PBRM1: variants seen among roughly 807,000 people sequenced by gnomAD.
PBRM1 encodes the protein protein polybromo-1.
Under a neutral mutation model 194.5 loss-of-function variants are expected in PBRM1, and 27 were observed. The ratio of observed to expected loss-of-function variants is 0.14; its 90% CI spans 0.10 to 0.19. The LOEUF (loss-of-function observed/expected upper bound fraction) is 0.19, where lower values mean the gene tolerates loss of function less well. Among genes scored for constraint, PBRM1 ranks in the 10% least tolerant of loss-of-function variants. The pLI is 1.00. For synonymous variants in PBRM1, 655 were observed against 693.2 expected (o/e 0.94, Z 0.87); for missense variants, 1,466 against 2,077.2 (o/e 0.71, Z 5.72).
At chr3:52,627,706 G>A (rs2095489453) in intron 12 of PBRM1, among the ~76,000 whole-genome samples, 1 of 152,148 alleles carries the variant, frequency 6.6e-6, no homozygotes, top group South Asian at 2.1e-4. Flanking sequence ...CCAACTCAAA[G>A]AGGGCCTTTG....
chr3:52,577,052 TAAA>T (rs138138001), intron 21 of PBRM1, among the ~76,000 whole-genome samples: 2,899 of 152,278 alleles, frequency 0.019, 100 homozygotes, highest in African/African-American at 0.066. Flanking sequence ...AACAAAGACA[TAAA>T]ACATCAATAT....
At chr3:52,580,394 T>C (rs7648016) in intron 20 of PBRM1, among the ~76,000 whole-genome samples, 11,069 of 152,118 alleles carry the variant, frequency 0.073, 968 homozygotes, top group African/African-American at 0.21. Context: ...AGTCTCCCTC[T>C]GTCGCCCAGG....
intron 14 of PBRM1, among the ~76,000 whole-genome samples, chr3:52,616,132 C>A (rs898207842): frequency 6.6e-6 from 1 of 152,142 alleles, no homozygotes; most frequent in African/African-American, 2.4e-5. Context: ...TTAAAGGTGG[C>A]TTTTTCCTCT....
At chr3:52,637,999 T>C (rs1235271730) in intron 10 of PBRM1, among the ~76,000 whole-genome samples, 1 of 151,986 alleles carries the variant, frequency 6.6e-6, no homozygotes, top group Non-Finnish European at 1.5e-5. Flanking sequence ...TATCCCCCTC[T>C]CTTACTAGTT....
chr3:52,554,726 G>A (rs145488469), exon 27 of PBRM1: 146 of 1,549,730 alleles, frequency 9.4e-5, no homozygotes, highest in South Asian at 9.4e-4. Flanking sequence ...GTTCTTACCC[G>A]GTGGTGGGAT....
At chr3:52,663,468 T>C (rs1432438892) in intron 3 of PBRM1, among the ~76,000 whole-genome samples, 2 of 152,204 alleles carry the variant, frequency 1.3e-5, no homozygotes, top group South Asian at 2.1e-4. Context: ...TGAGAACTCT[T>C]CATCGTAAAG....
intron 11 of PBRM1, among the ~76,000 whole-genome samples, chr3:52,633,342 G>A (rs1015838659): frequency 2.6e-5 from 4 of 152,142 alleles, no homozygotes; most frequent in African/African-American, 9.6e-5. Context: ...ATGTTAGAGC[G>A]TTTCAAAATT....
intron 17 of PBRM1, among the ~76,000 whole-genome samples, chr3:52,600,702 G>C (rs137999722): frequency 6.6e-6 from 1 of 152,232 alleles, no homozygotes; most frequent in East Asian, 1.9e-4. Context: ...GCAATGGCGC[G>C]ATCTTAGCTC....
At chr3:52,624,751 C>T (rs990491791) in intron 13 of PBRM1, 146 bp downstream of exon 15, 4 of 624,946 alleles carry the variant, frequency 6.4e-6, no homozygotes, top group Middle Eastern at 2.5e-4. Context: ...AACTGTACTG[C>T]TTTCTTTATT....
chr3:52,589,854 G>A (rs1013230249), intron 17 of PBRM1, among the ~76,000 whole-genome samples: 2 of 151,954 alleles, frequency 1.3e-5, no homozygotes, highest in African/African-American at 4.8e-5. Context: ...TCGAGACGGA[G>A]TTTCGCTCTT....
chr3:52,560,080 T>C (rs2083142002), intron 25 of PBRM1, among the ~76,000 whole-genome samples: 1 of 152,152 alleles, frequency 6.6e-6, no homozygotes, highest in African/African-American at 2.4e-5. Context: ...CTGAGTCATA[T>C]AACTCCCCCC....
At chr3:52,625,102 A>C (rs2095405927) in intron 13 of PBRM1, among the ~76,000 whole-genome samples, 161 bp from the exon 15 acceptor site, 1 of 152,234 alleles carries the variant, frequency 6.6e-6, no homozygotes, top group African/African-American at 2.4e-5. Flanking sequence ...ATGTTGGCAG[A>C]AAGAATGCAC....
intron 6 of PBRM1, 136 bp downstream of exon 7, chr3:52,651,606 T>G: frequency 4.6e-6 from 2 of 437,560 alleles, no homozygotes; most frequent in East Asian, 6.9e-5. Context: ...AGTAACACTA[T>G]TTTAATTTAT....
exon 25 of PBRM1, chr3:52,561,848 C>A: frequency 6.2e-7 from 1 of 1,614,182 alleles, no homozygotes; most frequent in Non-Finnish European, 8.5e-7. Context: ...AAAGAGTAGT[C>A]TGGGTGTTGG....
At chr3:52,592,771 G>A (rs930669750) in intron 17 of PBRM1, among the ~76,000 whole-genome samples, 1 of 152,158 alleles carries the variant, frequency 6.6e-6, no homozygotes, top group African/African-American at 2.4e-5. Context: ...ATTTGGCTGT[G>A]AATTCACCTG....
intron 6 of PBRM1, among the ~76,000 whole-genome samples, chr3:52,650,361 C>CAAA (rs776692798): frequency 1.4e-4 from 5 of 35,572 alleles, no homozygotes; most frequent in African/African-American, 3.6e-4. Flanking sequence ...AAGACTGTCT[C>CAAA]AAAAAAAAAA....
intron 22 of PBRM1, among the ~76,000 whole-genome samples, chr3:52,573,916 G>C (rs1034374334): frequency 6.6e-6 from 1 of 152,200 alleles, no homozygotes; most frequent in Non-Finnish European, 1.5e-5. Flanking sequence ...TGTGGTGATA[G>C]AGGAAGCAAA....
exon 13 of PBRM1, chr3:52,627,339 T>C: frequency 6.2e-7 from 1 of 1,613,648 alleles, no homozygotes; most frequent in Non-Finnish European, 8.5e-7. Flanking sequence ...GTCCTCGATA[T>C]CGTCTCTCCT....
chr3:52,571,994 T>C (rs968388555), intron 22 of PBRM1, among the ~76,000 whole-genome samples: 11 of 151,562 alleles, frequency 7.3e-5, no homozygotes, highest in Admixed American at 2.0e-4. Context: ...GTTATGATTG[T>C]ACCATTGCAC....
Sources: gnomAD v4.1 joint callset for allele counts (sites outside exome capture counted in the v4.1 genomes callset) on GRCh38, gnomAD v4.1.1 for gene constraint, MANE v1.5 for transcripts, NCBI Gene and HGNC (gene_info 2026-07-23, HGNC 2026-07-21) for gene names.